Variants in KCNT2 observed in about 807,000 individuals in gnomAD.
The protein encoded by KCNT2 is potassium channel subfamily T member 2.
Under a neutral mutation model 153.8 loss-of-function variants are expected in KCNT2, and 67 were observed. The ratio of observed to expected loss-of-function variants is 0.44; its 90% CI spans 0.36 to 0.53. The LOEUF is 0.53. KCNT2 is among the 20% of genes least tolerant of loss of function. KCNT2 has a pLI of 0.00. For missense variants in KCNT2, 975 were observed against 1,354.8 expected, an observed-to-expected ratio of 0.72 and a Z score of 4.40; for synonymous variants, 500 against 458.8, an observed-to-expected ratio of 1.09 and a Z score of -1.15.
At chr1:196,379,565 T>TTCTCTCTCTCTCTCTCTCTC (rs67709356) in intron 13 of KCNT2, among the ~76,000 whole-genome samples, 1 of 136,146 alleles carries the variant, frequency 7.3e-6, no homozygotes, top group African/African-American at 2.7e-5. Flanking sequence ...CAGTGAGACT[T>TTCTCTCTCTCTCTCTCTCTC]TCTCTCTCTC....
At chr1:196,238,302 G>T (rs770097949) in intron 26 of KCNT2, among the ~76,000 whole-genome samples, 2 of 151,700 alleles carry the variant, frequency 1.3e-5, no homozygotes, top group Non-Finnish European at 2.9e-5. Context: ...TTTCCGGTGG[G>T]AGATATGATT....
At chr1:196,320,469 G>A (rs1663183776) in intron 19 of KCNT2, among the ~76,000 whole-genome samples, 1 of 151,394 alleles carries the variant, frequency 6.6e-6, no homozygotes, top group African/African-American at 2.4e-5. Context: ...TTATATTTAG[G>A]AGGCAGAATT....
chr1:196,387,685 A>G (rs1179575788), intron 13 of KCNT2, among the ~76,000 whole-genome samples: 1 of 151,928 alleles, frequency 6.6e-6, no homozygotes, highest in Admixed American at 6.6e-5. Flanking sequence ...ATCTTTTCAT[A>G]TGCTTAATGG....
In KCNT2 at chr1:196,225,796, A is replaced by C. The variant is rs1379980496; in HGVS notation, c.*2428T>G. On this transcript the variant is annotated 3_prime_UTR_variant, in exon 28 of 28. Coordinates refer to ENST00000294725, the MANE Select transcript of KCNT2 (RefSeq NM_198503.5). ...ATCAAGAGTTTTCATCATTAGAAATAATTTTATTATTTATTTTAAAGCAGT... is the reference window on the plus strand; with the variant it reads ...ATCAAGAGTTTTCATCATTAGAAATCATTTTATTATTTATTTTAAAGCAGT... 5 of 152,172 alleles carry C rather than the reference A, an allele frequency of 3.3e-5. No homozygotes were observed. The highest frequency in any genetic ancestry group is 7.4e-5 in the Non-Finnish European group (5 of 67,996). 9.4% of individuals were successfully genotyped at this position (152,172 alleles called of 1,614,324 possible). A position where few individuals can be genotyped will look rare whatever the true frequency, so the allele number is the denominator to read the frequency against.
chr1:196,478,233 A>T (rs1678705911), intron 5 of KCNT2, among the ~76,000 whole-genome samples: 1 of 152,136 alleles, frequency 6.6e-6, no homozygotes, highest in Non-Finnish European at 1.5e-5. Context: ...CATCCAGCCA[A>T]AATCTTACTG....
intron 1 of KCNT2, among the ~76,000 whole-genome samples, chr1:196,504,533 T>C (rs974654392): frequency 7.9e-5 from 12 of 152,256 alleles, no homozygotes; most frequent in East Asian, 1.9e-4. Context: ...TGAATAGTGC[T>C]GCAATAAACA....
rs559357211 is a variant in KCNT2, at chr1:196,579,247, C to T, written c.95+28968G>A. Among the ~76,000 whole-genome samples the T allele has an allele frequency of 1.2e-4, 18 of 152,184 alleles. 2 individuals carry two copies. Among genetic ancestry groups the T allele is most frequent in the African/African-American group, 4.3e-4 (18 of 41,536 alleles). ...GACAGAAAACCAAATACAGCATGTC[C>T]TCACATAAAAGTGGGAGCTAAATGA... is the stretch of plus-strand genomic sequence containing the variant. On this transcript the variant is annotated intron_variant, in intron 1 of 27. Coordinates refer to ENST00000294725, the MANE Select transcript of KCNT2 (RefSeq NM_198503.5).
intron 1 of KCNT2, among the ~76,000 whole-genome samples, chr1:196,508,051 G>T: frequency 6.6e-6 from 1 of 151,552 alleles, no homozygotes; most frequent in Non-Finnish European, 1.5e-5. Flanking sequence ...AAATTGATTC[G>T]TGAAATTTAA....
chr1:196,282,841 CTATT>C (rs978441943), intron 23 of KCNT2, among the ~76,000 whole-genome samples: 21 of 151,864 alleles, frequency 1.4e-4, no homozygotes, highest in Non-Finnish European at 2.6e-4. Flanking sequence ...ATAGGGCCTT[CTATT>C]TATTTATTTA....
At chr1:196,357,148 T>G (rs750505316) in intron 14 of KCNT2, among the ~76,000 whole-genome samples, 5 of 151,932 alleles carry the variant, frequency 3.3e-5, no homozygotes, top group Non-Finnish European at 7.4e-5. Context: ...TATTGGTGTT[T>G]TGTTTATTAG....
chr1:196,540,423 A>T (rs957364514), intron 1 of KCNT2, among the ~76,000 whole-genome samples: 1 of 152,322 alleles, frequency 6.6e-6, no homozygotes, highest in Non-Finnish European at 1.5e-5. Flanking sequence ...GTTCCAATCC[A>T]ATTCTCCTCA....
intron 21 of KCNT2, among the ~76,000 whole-genome samples, chr1:196,307,532 A>G (rs749901253): frequency 2.6e-5 from 4 of 152,100 alleles, no homozygotes; most frequent in Non-Finnish European, 4.4e-5. Context: ...CATAACAACT[A>G]GAAAGCATGG....
intron 19 of KCNT2, among the ~76,000 whole-genome samples, chr1:196,325,136 G>A (rs1439356813): frequency 6.6e-6 from 1 of 152,048 alleles, no homozygotes; most frequent in Non-Finnish European, 1.5e-5. Context: ...TGAAGAGACT[G>A]ATTTTTGGTA....
intron 12 of KCNT2, among the ~76,000 whole-genome samples, chr1:196,410,965 C>T (rs1257999967): frequency 6.7e-6 from 1 of 150,368 alleles, no homozygotes; most frequent in Non-Finnish European, 1.5e-5. Flanking sequence ...TCTCTTCCTT[C>T]CTTTCCCTTA....
chr1:196,503,361 A>G (rs1680853966), intron 1 of KCNT2, among the ~76,000 whole-genome samples: 1 of 152,152 alleles, frequency 6.6e-6, no homozygotes, highest in African/African-American at 2.4e-5. Flanking sequence ...AAAGCTGTTC[A>G]TCACAAAACT....
chr1:196,351,632 C>T (rs955606362), intron 14 of KCNT2, among the ~76,000 whole-genome samples: 1 of 151,952 alleles, frequency 6.6e-6, no homozygotes, highest in Non-Finnish European at 1.5e-5. Flanking sequence ...TCTAGATATA[C>T]AATCATGTCG....
intron 8 of KCNT2, among the ~76,000 whole-genome samples, chr1:196,440,711 G>GT (rs1046764573): frequency 2.7e-5 from 4 of 149,628 alleles, no homozygotes; most frequent in African/African-American, 4.9e-5. Flanking sequence ...ATTTTTTTTT[G>GT]TTTTTTCATG....
intron 1 of KCNT2, among the ~76,000 whole-genome samples, chr1:196,573,628 A>T (rs1276233391): frequency 1.3e-5 from 2 of 152,054 alleles, no homozygotes; most frequent in East Asian, 3.8e-4. Flanking sequence ...AATAAATAAA[A>T]TATGAAAGAA....
At chr1:196,356,540 A>G (rs747368314) in intron 14 of KCNT2, among the ~76,000 whole-genome samples, 2 of 151,848 alleles carry the variant, frequency 1.3e-5, no homozygotes, top group Non-Finnish European at 2.9e-5. Flanking sequence ...ATGCTTCCAA[A>G]TCCTGAGCTT....
Sources: allele counts gnomAD v4.1 joint callset (sites outside exome capture counted in the v4.1 genomes callset), GRCh38; gene constraint gnomAD v4.1.1; transcripts MANE v1.5; gene names NCBI Gene and HGNC (gene_info 2026-07-23, HGNC 2026-07-21).